Variants in AGBL1 observed in about 807,000 individuals in gnomAD.
The protein encoded by AGBL1 is AGBL carboxypeptidase 1.
A neutral mutation model predicts 118.9 loss-of-function variants in AGBL1; 130 were observed. That is an observed-to-expected ratio of 1.09 (90% confidence interval 0.95 to 1.26). The LOEUF is 1.26. Ranked by LOEUF, AGBL1 falls within the 50% of genes most tolerant of loss-of-function variation. The pLI, the probability that AGBL1 is intolerant of heterozygous loss-of-function variation, is 0.00. For synonymous variants in AGBL1, 555 were observed against 478.9 expected (o/e 1.16, Z -2.08); for missense variants, 1,584 against 1,298.1 (o/e 1.22, Z -3.38).
Position 86,208,916 on chromosome 15 carries a change from G to A in AGBL1, c.489-15998G>A, listed in dbSNP as rs576477618. Among the ~76,000 whole-genome samples, 360 of 152,164 alleles carry A rather than the reference G, an allele frequency of 2.4e-3. 1 individual carries two copies. Among genetic ancestry groups the A allele is most frequent in the Non-Finnish European group, 4.5e-3 (307 of 67,978 alleles). On this transcript the variant is annotated intron_variant, in intron 5 of 22. Transcript: ENST00000614907. ...CTTTTAATTGTGATGTTAGGGTGTC[G>A]ATTTTAGATCTTTCCTGCTTTCTCT...
At chr15:87,001,551 C>T (rs1327493718) in intron 24 of AGBL1, among the ~76,000 whole-genome samples, 2 of 152,022 alleles carry the variant, frequency 1.3e-5, no homozygotes, top group African/African-American at 4.8e-5. Context: ...TGAGGAATCG[C>T]CACACTGACT....
chr15:86,916,413 TTGTGTGTGTGTGTTTG>T (rs1298863104), downstream of AGBL1, among the ~76,000 whole-genome samples: 2 of 151,852 alleles, frequency 1.3e-5, no homozygotes, highest in Non-Finnish European at 2.9e-5. Context: ...GTCCTGGACT[TTGTGTGTGTGTGTTTG>T]TGTGTGTGTG....
intron 22 of AGBL1, among the ~76,000 whole-genome samples, chr15:86,757,457 A>C (rs1183160176): frequency 2.6e-5 from 4 of 152,052 alleles, no homozygotes; most frequent in African/African-American, 4.8e-5. Flanking sequence ...GCTAAAGTGA[A>C]AAGTACTTTC....
rs1387496162 is a variant in AGBL1, at chr15:86,660,563, A to G, written c.2995-13710A>G. ...ATTACTAATCCAATATAGTCAACAC[A>G]TTTTTTTTTTACTGATTTTTTAAGT... On this transcript the variant is annotated intron_variant, in intron 21 of 22. Coordinates refer to ENST00000614907, the MANE Select transcript of AGBL1 (RefSeq NM_001386094.1). 2.0e-5 allele frequency among the ~76,000 whole-genome samples: 3 copies of G among 148,906 alleles called. No individual in the cohort carries two copies. The East Asian group carries it at 5.9e-4, about 29-fold the overall frequency.
At chr15:86,351,490 T>C (rs1596002389) in intron 17 of AGBL1, among the ~76,000 whole-genome samples, 1 of 152,138 alleles carries the variant, frequency 6.6e-6, no homozygotes, top group Non-Finnish European at 1.5e-5. Context: ...TCCTCTACCA[T>C]TGTGTGTTGG....
intron 5 of AGBL1, among the ~76,000 whole-genome samples, chr15:86,217,122 A>G (rs1277437798): frequency 1.3e-5 from 2 of 151,976 alleles, no homozygotes; most frequent in African/African-American, 4.8e-5. Flanking sequence ...TTTTTTCCCC[A>G]TGGCATTTAT....
intron 1 of AGBL1, among the ~76,000 whole-genome samples, chr15:86,104,529 G>T (rs1896921562): frequency 6.6e-6 from 1 of 152,190 alleles, no homozygotes; most frequent in Non-Finnish European, 1.5e-5. Context: ...GCCAGTAGTG[G>T]CAATGGCTGT....
chr15:86,840,953 A>G (rs1201050430), intron 22 of AGBL1, among the ~76,000 whole-genome samples: 1 of 152,202 alleles, frequency 6.6e-6, no homozygotes, highest in Non-Finnish European at 1.5e-5. Flanking sequence ...ACTCACAAAC[A>G]ACAGTCAAAA....
At position 86,865,665 on chromosome 15, in the gene AGBL1, T is replaced by C. The variant is rs142610020; in HGVS notation, c.3159-41422T>C. 2.2e-3 allele frequency among the ~76,000 whole-genome samples: 340 copies of C among 152,318 alleles called. 1 individual carries two copies. The highest frequency in any genetic ancestry group is 7.8e-3 in the African/African-American group (326 of 41,576). Reference sequence around the variant, plus strand: ...TCCATTTTCTTCCCAAAGCACAACCTTAGCTTCATCCACTAACACCTGATG... The same window carrying C: ...TCCATTTTCTTCCCAAAGCACAACCCTAGCTTCATCCACTAACACCTGATG... On this transcript the variant is annotated intron_variant, in intron 22 of 22. Coordinates refer to ENST00000614907, the MANE Select transcript of AGBL1 (RefSeq NM_001386094.1).
chr15:86,611,809 G>GA (rs1215720636), intron 21 of AGBL1, among the ~76,000 whole-genome samples: 1 of 152,116 alleles, frequency 6.6e-6, no homozygotes, highest in Non-Finnish European at 1.5e-5. Flanking sequence ...GCAGCTACAT[G>GA]AAAAAACCTC....
chr15:86,318,728 G>T, intron 17 of AGBL1, among the ~76,000 whole-genome samples: 1 of 144,272 alleles, frequency 6.9e-6, no homozygotes, highest in Non-Finnish European at 1.5e-5. Context: ...TTTTGGCAGG[G>T]ATTGGTCAGG....
intron 22 of AGBL1, among the ~76,000 whole-genome samples, chr15:86,879,603 A>T (rs1380655072): frequency 2.0e-5 from 3 of 152,220 alleles, no homozygotes; most frequent in African/African-American, 7.2e-5. Flanking sequence ...GATTGTAATT[A>T]CCGAAGGAAC....
chr15:87,015,296 A>C (rs1596742642), intron 24 of AGBL1, among the ~76,000 whole-genome samples: 1 of 152,110 alleles, frequency 6.6e-6, no homozygotes, highest in Non-Finnish European at 1.5e-5. Flanking sequence ...GATAATACTT[A>C]TCAGCCTCCA....
chr15:86,790,373 C>T (rs984420137), intron 22 of AGBL1, among the ~76,000 whole-genome samples: 4 of 151,422 alleles, frequency 2.6e-5, no homozygotes, highest in Non-Finnish European at 5.9e-5. Flanking sequence ...CACACGCATG[C>T]ACGCACGCAC....
chr15:86,566,623 C>T (rs2083919724), intron 21 of AGBL1, among the ~76,000 whole-genome samples: 1 of 152,124 alleles, frequency 6.6e-6, no homozygotes, highest in African/African-American at 2.4e-5. Context: ...ATGGCTCTCA[C>T]ACAGTTCTTT....
chr15:87,020,548 G>A (rs896467637), intron 24 of AGBL1, among the ~76,000 whole-genome samples: 1 of 151,780 alleles, frequency 6.6e-6, no homozygotes, highest in Admixed American at 6.6e-5. Flanking sequence ...AATAAGAAGA[G>A]AGGAAATCAA....
chr15:86,704,035 G>C (rs2086405410), intron 22 of AGBL1, among the ~76,000 whole-genome samples: 2 of 152,130 alleles, frequency 1.3e-5, no homozygotes, highest in South Asian at 4.1e-4. Flanking sequence ...AATAAGCAAT[G>C]AGAAAAGGAT....
intron 22 of AGBL1, among the ~76,000 whole-genome samples, chr15:86,694,706 A>T (rs2086226683): frequency 6.6e-6 from 1 of 152,068 alleles, no homozygotes; most frequent in Non-Finnish European, 1.5e-5. Context: ...ACTTTTCCCC[A>T]TTCAGTATTA....
intron 18 of AGBL1, among the ~76,000 whole-genome samples, chr15:86,501,802 T>G (rs1226262176): frequency 1.3e-5 from 2 of 151,658 alleles, no homozygotes; most frequent in African/African-American, 4.8e-5. Context: ...TTTCCATTGA[T>G]CTATGTCTAT....
Sources: allele counts gnomAD v4.1 joint callset (sites outside exome capture counted in the v4.1 genomes callset), GRCh38; gene constraint gnomAD v4.1.1; transcripts MANE v1.5; gene names NCBI Gene and HGNC (gene_info 2026-07-23, HGNC 2026-07-21).